SLC17A1: variants seen among roughly 807,000 people sequenced by gnomAD.
The protein encoded by SLC17A1 is solute carrier family 17 member 1, also known as sodium-dependent phosphate transport protein 1.
A neutral mutation model predicts 53.5 loss-of-function variants in SLC17A1; 51 were observed. The observed-to-expected ratio is 0.95, with a 90% CI of 0.76 to 1.20. SLC17A1 has a LOEUF of 1.20. Among genes scored for constraint, SLC17A1 ranks in the 50% most tolerant of loss-of-function variants. The probability of loss-of-function intolerance (pLI) is 0.00; values close to 1 mark genes in which losing one functional copy is unlikely to be tolerated. For synonymous variants in SLC17A1, 179 were observed against 198.8 expected (o/e 0.90, Z 0.84); for missense variants, 538 against 568.2 (o/e 0.95, Z 0.54).
chr6:25,760,243 A>T, the SLC17A1 span, among the ~76,000 whole-genome samples: 1 of 152,200 alleles, frequency 6.6e-6, no homozygotes, highest in African/African-American at 2.4e-5. Flanking sequence ...TTCATATATT[A>T]TTCCAATAGT....
chr6:25,776,333 G>A, the SLC17A1 span, among the ~76,000 whole-genome samples: 11 of 149,308 alleles, frequency 7.4e-5, no homozygotes, highest in East Asian at 2.0e-3. Context: ...GCCTATTTTT[G>A]TACTGGGTTT....
intron 2 of SLC17A1, among the ~76,000 whole-genome samples, chr6:25,829,530 C>A (rs929122338): frequency 3.9e-5 from 6 of 152,114 alleles, no homozygotes; most frequent in Admixed American, 1.3e-4. Context: ...AAAGGGAAGT[C>A]ATTGTCACCA....
intron 12 of SLC17A1, among the ~76,000 whole-genome samples, chr6:25,785,326 T>A (rs1441849406): frequency 6.6e-6 from 1 of 152,074 alleles, no homozygotes; most frequent in Non-Finnish European, 1.5e-5. Flanking sequence ...TCAAAATGAA[T>A]CAAAGACCTA....
chr6:25,806,970 A>G (rs981751803), intron 10 of SLC17A1, among the ~76,000 whole-genome samples: 2 of 152,174 alleles, frequency 1.3e-5, no homozygotes, highest in Non-Finnish European at 2.9e-5. Flanking sequence ...TTAAAACCAT[A>G]GTGAGATACT....
chr6:25,806,932 A>AT lies in SLC17A1; in HGVS notation c.1178+4465dup, dbSNP rs1157348334. ...CAATAAACATAAGAAAAAATGCTCA[A>AT]TATTACTAATTATCAGTGAAATGCA... is the stretch of plus-strand genomic sequence containing the variant. On this transcript the variant is annotated intron_variant, in intron 10 of 12. Transcript: ENST00000244527. Among the ~76,000 whole-genome samples the AT allele has an allele frequency of 2.0e-5, 3 of 152,236 alleles. No homozygotes were observed. The East Asian group carries it at 5.8e-4, about 29-fold the overall frequency.
the SLC17A1 span, chr6:25,776,628 G>T: frequency 6.2e-7 from 1 of 1,612,688 alleles, no homozygotes; most frequent in Non-Finnish European, 8.5e-7. Context: ...GTTTGTTGTT[G>T]GATGTATCTG....
chr6:25,768,190 G>A, the SLC17A1 span: 1 of 171,754 alleles, frequency 5.8e-6, no homozygotes, highest in Non-Finnish European at 1.2e-5. Context: ...TTGAACCAAA[G>A]GTAAGAGCTA....
rs1294711394 is a variant in SLC17A1 at position 25,819,814 on chromosome 6, T to C, written c.309A>G (p.Gly103=). ...IIQVPVGYFS[G]IYSTKKMIGF... is the part of the protein sequence containing the mutation. Reference sequence around the variant, plus strand: ...CAATCATTTTCTTTGTAGAATATATTCCAGAGAAGTATCCAACAGGAACTT... The same window carrying C: ...CAATCATTTTCTTTGTAGAATATATCCCAGAGAAGTATCCAACAGGAACTT... The change falls in exon 4 of 13, where the codon GGA becomes GGG. Residue 103 remains glycine (G), a synonymous_variant. Coordinates refer to ENST00000244527, the MANE Select transcript of SLC17A1 (RefSeq NM_005074.5). 4 of 1,614,016 alleles carry C rather than the reference T, an allele frequency of 2.5e-6. No homozygotes were observed. Among genetic ancestry groups the C allele is most frequent in the Non-Finnish European group, 3.4e-6 (4 of 1,179,982 alleles).
chr6:25,809,779 TG>T (rs1187930464), intron 10 of SLC17A1, among the ~76,000 whole-genome samples: 1 of 152,120 alleles, frequency 6.6e-6, no homozygotes, highest in Non-Finnish European at 1.5e-5. Flanking sequence ...ACAATTTCTA[TG>T]GAAGTACAAA....
At chr6:25,799,059 G>C in intron 11 of SLC17A1, 140 bp from the exon 12 acceptor site, 1 of 643,286 alleles carries the variant, frequency 1.6e-6, no homozygotes, top group Non-Finnish European at 2.4e-6. Flanking sequence ...AGCCGAAAAC[G>C]TCATCATTTT....
chr6:25,732,587 G>A, the SLC17A1 span: 3 of 878,140 alleles, frequency 3.4e-6, no homozygotes, highest in Non-Finnish European at 5.3e-6. Flanking sequence ...TAGCGTACCT[G>A]CCGGCGGTTC....
At chr6:25,747,970 C>T in the SLC17A1 span, among the ~76,000 whole-genome samples, 1 of 152,100 alleles carries the variant, frequency 6.6e-6, no homozygotes, top group Non-Finnish European at 1.5e-5. Flanking sequence ...CCAAAAGATT[C>T]AGAAAAGTGA....
chr6:25,776,664 G>A, the SLC17A1 span: 1 of 1,613,910 alleles, frequency 6.2e-7, no homozygotes, highest in South Asian at 1.1e-5. Flanking sequence ...TCTACTGGCA[G>A]ACTTTCTTCT....
downstream of SLC17A1, among the ~76,000 whole-genome samples, chr6:25,781,981 CAG>C (rs1465686588): frequency 6.6e-6 from 1 of 152,142 alleles, no homozygotes; most frequent in African/African-American, 2.4e-5. Flanking sequence ...TGCTAGCTGA[CAG>C]AGAAAAGTCG....
chr6:25,775,911 A>C, the SLC17A1 span, among the ~76,000 whole-genome samples: 3 of 152,160 alleles, frequency 2.0e-5, no homozygotes, highest in Non-Finnish European at 4.4e-5. Flanking sequence ...GTACATGAGA[A>C]CCTTGCTGAG....
intron 10 of SLC17A1, among the ~76,000 whole-genome samples, chr6:25,806,864 G>A (rs1416603719): frequency 6.6e-6 from 1 of 151,798 alleles, no homozygotes; most frequent in Admixed American, 6.6e-5. Context: ...GTGGGCAATT[G>A]GCATGAATAG....
chr6:25,814,352 T>A (rs143365343), intron 6 of SLC17A1, among the ~76,000 whole-genome samples: 224 of 152,276 alleles, frequency 1.5e-3, no homozygotes, highest in Admixed American at 2.5e-3. Flanking sequence ...AAGAAAAAAA[T>A]TATTTTATTC....
chr6:25,779,099 G>C (rs1369496614), downstream of SLC17A1: 1 of 1,613,912 alleles, frequency 6.2e-7, no homozygotes, highest in Non-Finnish European at 8.5e-7. Flanking sequence ...TTCAGCTGCT[G>C]TTAACATATC....
chr6:25,748,087 G>A, the SLC17A1 span, among the ~76,000 whole-genome samples: 1 of 152,068 alleles, frequency 6.6e-6, no homozygotes, highest in African/African-American at 2.4e-5. Context: ...CTTAATACAT[G>A]GGCCAAATAT....
Sources: allele counts gnomAD v4.1 joint callset (sites outside exome capture counted in the v4.1 genomes callset), GRCh38; gene constraint gnomAD v4.1.1; transcripts MANE v1.5; gene names NCBI Gene and HGNC (gene_info 2026-07-23, HGNC 2026-07-21).